The following SLC14A2 variants were observed in gnomAD, a reference collection of about 807,000 sequenced individuals.
SLC14A2 encodes solute carrier family 14 member 2.
SLC14A2 carries 91 observed loss-of-function variants against 104.6 expected under a neutral mutation model. The observed-to-expected ratio is 0.87, with a 90% confidence interval of 0.73 to 1.04. The LOEUF (loss-of-function observed/expected upper bound fraction) is 1.04, where lower values mean the gene tolerates loss of function less well. Among genes scored for constraint, SLC14A2 ranks in the 50% least tolerant of loss-of-function variants. The pLI, the probability that SLC14A2 is intolerant of heterozygous loss-of-function variation, is 0.00. For missense variants in SLC14A2, 1,189 were observed against 1,156.0 expected, an observed-to-expected ratio of 1.03 and a Z score of -0.41; for synonymous variants, 476 against 466.4, an observed-to-expected ratio of 1.02 and a Z score of -0.27.
chr18:45,296,267 C>T (rs2084917337), intron 1 of SLC14A2, among the ~76,000 whole-genome samples: 1 of 152,182 alleles, frequency 6.6e-6, no homozygotes. Context: ...GAGTTCATTC[C>T]TGTGCCGGGT....
At chr18:45,206,856 A>C in the SLC14A2 span, among the ~76,000 whole-genome samples, 1 of 152,176 alleles carries the variant, frequency 6.6e-6, no homozygotes, top group Non-Finnish European at 1.5e-5. Flanking sequence ...TATCCCAAAA[A>C]TCAGAACCTG....
intron 1 of SLC14A2, among the ~76,000 whole-genome samples, chr18:45,456,627 A>T (rs1030012077): frequency 2.6e-5 from 4 of 152,190 alleles, no homozygotes; most frequent in African/African-American, 4.8e-5. Flanking sequence ...TCTCCAGTGA[A>T]TTACCCTCTC....
At chr18:45,199,265 G>GAAAAT in the SLC14A2 span, among the ~76,000 whole-genome samples, 1 of 151,972 alleles carries the variant, frequency 6.6e-6, no homozygotes, top group African/African-American at 2.4e-5. Context: ...TAATCTGAAG[G>GAAAAT]CTCCTGTGTC....
intron 2 of SLC14A2, among the ~76,000 whole-genome samples, chr18:45,595,873 A>G (rs933627315): frequency 6.6e-6 from 1 of 151,842 alleles, no homozygotes; most frequent in Admixed American, 6.6e-5. Flanking sequence ...CGAACATCAG[A>G]CTCAGCTGGC....
At chr18:45,188,927 T>C in the SLC14A2 span, among the ~76,000 whole-genome samples, 1 of 152,156 alleles carries the variant, frequency 6.6e-6, no homozygotes, top group Non-Finnish European at 1.5e-5. Context: ...GCCCAGAACA[T>C]CTGAAAGTGG....
At chr18:45,444,950 A>G (rs528988148) in intron 1 of SLC14A2, among the ~76,000 whole-genome samples, 93 of 152,314 alleles carry the variant, frequency 6.1e-4, no homozygotes, top group African/African-American at 2.2e-3. Flanking sequence ...ATCTAATACA[A>G]TGACTGGTAC....
intron 5 of SLC14A2, among the ~76,000 whole-genome samples, chr18:45,632,929 G>A (rs746429163): frequency 3.7e-4 from 56 of 152,130 alleles, no homozygotes; most frequent in Non-Finnish European, 6.2e-4. Flanking sequence ...CACCTGCCTC[G>A]GCCTCCCAAA....
At chr18:45,444,873 C>T (rs1013405204) in intron 1 of SLC14A2, among the ~76,000 whole-genome samples, 2 of 152,182 alleles carry the variant, frequency 1.3e-5, no homozygotes, top group Admixed American at 6.5e-5. Flanking sequence ...CATTAGATCA[C>T]GTTGTCAATT....
At chr18:45,619,210 C>G (rs943489206) in intron 1 of SLC14A2, among the ~76,000 whole-genome samples, 4 of 152,248 alleles carry the variant, frequency 2.6e-5, no homozygotes, top group African/African-American at 9.6e-5. Context: ...ACCTGCTTAG[C>G]CAAGTCCTGA....
At chr18:45,429,526 C>T (rs1469050026) in intron 1 of SLC14A2, among the ~76,000 whole-genome samples, 2 of 152,222 alleles carry the variant, frequency 1.3e-5, no homozygotes, top group East Asian at 1.9e-4. Context: ...TAGCCCATCA[C>T]TTGATTCCCT....
chr18:45,535,800 G>C (rs906800085), intron 2 of SLC14A2, among the ~76,000 whole-genome samples: 1 of 152,226 alleles, frequency 6.6e-6, no homozygotes, highest in African/African-American at 2.4e-5. Flanking sequence ...AAGTGAACCA[G>C]ATCCCTACTT....
intron 1 of SLC14A2, among the ~76,000 whole-genome samples, chr18:45,371,098 C>A (rs938868853): frequency 6.6e-6 from 1 of 152,126 alleles, no homozygotes; most frequent in Non-Finnish European, 1.5e-5. Flanking sequence ...GAGCTGTGTA[C>A]CCTGGCTTGG....
At position 45,668,220 on chromosome 18, in the gene SLC14A2, C is replaced by A. The variant is rs1352408289; in HGVS notation, c.1908-129C>A. On this transcript the variant is annotated intron_variant, in intron 14 of 19. Coordinates refer to ENST00000255226, the MANE Select transcript of SLC14A2 (RefSeq NM_007163.4). ...TTCATAGGGTTGTCTTCCTTCCCCA[C>A]TCCCAGAAGGGTGGTCTATTTGAAG... 4.6e-6 allele frequency: 6 copies of A among 1,316,342 alleles called. No homozygotes were observed. In the African/African-American group the frequency reaches 8.8e-5, roughly 19 times the overall value. 81.5% of individuals were successfully genotyped at this position (1,316,342 alleles called of 1,614,324 possible). A position where few individuals can be genotyped will look rare whatever the true frequency, so the allele number is the denominator to read the frequency against.
chr18:45,210,335 A>G (rs146369481), upstream of SLC14A2, among the ~76,000 whole-genome samples: 1 of 152,316 alleles, frequency 6.6e-6, no homozygotes, highest in East Asian at 1.9e-4. Context: ...GCTCATTCCT[A>G]TAATCCCAGC....
At chr18:45,352,042 T>C (rs926577572) in intron 1 of SLC14A2, among the ~76,000 whole-genome samples, 16 of 152,138 alleles carry the variant, frequency 1.1e-4, no homozygotes, top group Admixed American at 3.9e-4. Context: ...AGGTGATGTA[T>C]ATGAGGAAGT....
At chr18:45,513,914 C>G (rs2043401257) in intron 2 of SLC14A2, among the ~76,000 whole-genome samples, 1 of 152,140 alleles carries the variant, frequency 6.6e-6, no homozygotes, top group Non-Finnish European at 1.5e-5. Flanking sequence ...CTTCTCCACC[C>G]AACACACAGA....
the SLC14A2 span, among the ~76,000 whole-genome samples, chr18:45,200,749 C>A: frequency 6.6e-5 from 10 of 151,996 alleles, no homozygotes; most frequent in African/African-American, 2.4e-4. Context: ...ATGTAGATTT[C>A]TTTTTTTAAA....
chr18:45,275,967 AAAACC>A (rs2084698175), intron 1 of SLC14A2, among the ~76,000 whole-genome samples: 2 of 152,248 alleles, frequency 1.3e-5, no homozygotes, highest in African/African-American at 4.8e-5. Flanking sequence ...TATGGTCAGG[AAAACC>A]TGTTTGCGAA....
the SLC14A2 span, among the ~76,000 whole-genome samples, chr18:45,189,754 A>G: frequency 6.6e-6 from 1 of 152,228 alleles, no homozygotes; most frequent in African/African-American, 2.4e-5. Context: ...ACAGATGATG[A>G]AACCAGTCAT....
Sources: gnomAD v4.1 joint callset for allele counts (sites outside exome capture counted in the v4.1 genomes callset) on GRCh38, gnomAD v4.1.1 for gene constraint, MANE v1.5 for transcripts, NCBI Gene and HGNC (gene_info 2026-07-23, HGNC 2026-07-21) for gene names.